The following CEP170 variants were observed in gnomAD, a reference collection of about 807,000 sequenced individuals.
CEP170 encodes the protein centrosomal protein 170.
In CEP170, 21 loss-of-function variants were observed where a neutral mutation model predicts 151.9. The observed-to-expected ratio is 0.14, with a 90% CI of 0.10 to 0.20. The LOEUF (loss-of-function observed/expected upper bound fraction) is 0.20. CEP170 is among the 10% of genes least tolerant of loss of function. The pLI is 1.00. For synonymous variants in CEP170, 356 were observed against 648.8 expected (o/e 0.55, Z 6.86); for missense variants, 964 against 1,892.9 (o/e 0.51, Z 9.11).
chr1:243,156,441 T>C lies in CEP170; in HGVS notation c.3691A>G (p.Arg1231Gly). 3 of 1,547,072 alleles carry C rather than the reference T, an allele frequency of 1.9e-6. No individual in the cohort carries two copies. Among genetic ancestry groups the C allele is most frequent in the Non-Finnish European group, 2.6e-6 (3 of 1,145,144 alleles). ...HGSASVNSRW[R>G]RFPTDYASTS... The stretch of plus-strand genomic sequence containing the variant: ...GAAGCATAATCAGTAGGAAAGCGCC[T>C]CCATCTTGAATTTACTAAATTAGTT... The change falls in exon 14 of 20, where the codon AGG becomes GGG. Residue 1231 changes from arginine to glycine, a missense_variant. Coordinates refer to ENST00000366542, the MANE Select transcript of CEP170 (RefSeq NM_014812.3).
At chr1:243,190,589 G>A (rs1051117763) in intron 8 of CEP170, among the ~76,000 whole-genome samples, 4 of 152,046 alleles carry the variant, frequency 2.6e-5, no homozygotes, top group African/African-American at 9.7e-5. Flanking sequence ...CATTACCAAA[G>A]TAGAACTTTT....
intron 10 of CEP170, among the ~76,000 whole-genome samples, chr1:243,182,629 A>C (rs2059693891): frequency 2.0e-5 from 3 of 152,164 alleles, no homozygotes; most frequent in Admixed American, 2.0e-4. Flanking sequence ...ATATATAATG[A>C]ACTTCAATAT....
chr1:243,170,793 C>G (rs2058784524), intron 11 of CEP170, among the ~76,000 whole-genome samples: 1 of 152,070 alleles, frequency 6.6e-6, no homozygotes, highest in South Asian at 2.1e-4. Flanking sequence ...GACTCCGTCT[C>G]AAAAAAACAG....
chr1:243,234,776 A>C (rs1445513231), intron 1 of CEP170, among the ~76,000 whole-genome samples: 1 of 152,190 alleles, frequency 6.6e-6, no homozygotes, highest in African/African-American at 2.4e-5. Context: ...TCAACTAAGG[A>C]TTCATTATCA....
rs553142200 is a variant in CEP170, at chr1:243,176,034, C to G, written c.1567-3188G>C. Among the ~76,000 whole-genome samples the G allele has an allele frequency of 2.8e-4, 42 of 152,286 alleles. No homozygotes were observed. In the South Asian group the frequency reaches 7.0e-3, roughly 26 times the overall value. ...GATGGTCTCCATCTCCTGACCTCAT[C>G]ATCTGCCTGCCTCAGCCTCCCAAAG... On this transcript the variant is annotated intron_variant, in intron 10 of 19. Coordinates refer to ENST00000366542, the MANE Select transcript of CEP170 (RefSeq NM_014812.3).
chr1:243,186,474 A>C, intron 8 of CEP170, 52 bp from the exon 9 acceptor site: 1 of 1,527,366 alleles, frequency 6.5e-7, no homozygotes, highest in African/African-American at 1.4e-5. Context: ...CCCATGTAGA[A>C]ATTTAGAAGC....
At chr1:243,141,771 T>A (rs762006879) in intron 15 of CEP170, among the ~76,000 whole-genome samples, 5 of 152,266 alleles carry the variant, frequency 3.3e-5, no homozygotes, top group Non-Finnish European at 5.9e-5. Flanking sequence ...CCAGACTTTA[T>A]GAAAATGTTC....
intron 1 of CEP170, among the ~76,000 whole-genome samples, chr1:243,230,166 C>T (rs1327732203): frequency 6.6e-6 from 1 of 151,392 alleles, no homozygotes; most frequent in Non-Finnish European, 1.5e-5. Flanking sequence ...GCCTGGGCAA[C>T]ATAATGAGAC....
intron 14 of CEP170, among the ~76,000 whole-genome samples, chr1:243,151,005 CCT>C: frequency 6.6e-6 from 1 of 152,162 alleles, no homozygotes; most frequent in Non-Finnish European, 1.5e-5. Flanking sequence ...ACACCACATC[CCT>C]GTCACTGAGG....
At chr1:243,213,505 T>A (rs887450117) in intron 3 of CEP170, among the ~76,000 whole-genome samples, 1 of 152,160 alleles carries the variant, frequency 6.6e-6, no homozygotes, top group African/African-American at 2.4e-5. Flanking sequence ...TATGATAATG[T>A]TGATAAAGCT....
At position 243,254,213 on chromosome 1, in the gene CEP170, A is replaced by T. The variant is rs184226976; in HGVS notation, c.-42+827T>A. On this transcript the variant is annotated intron_variant, in intron 1 of 19. Coordinates refer to ENST00000366542, the MANE Select transcript of CEP170 (RefSeq NM_014812.3). ...AAATAAATAAATAAATAAATAAATA[A>T]ATAAATAAAACTCTACGAAACACCA... is the stretch of plus-strand genomic sequence containing the variant. The T allele has an allele frequency of 3.9e-5, 6 of 152,154 alleles. No individual in the cohort carries two copies. The East Asian group carries it at 1.2e-3, about 29-fold the overall frequency. 9.4% of individuals were successfully genotyped at this position (152,154 alleles called of 1,614,324 possible). A position where few individuals can be genotyped will look rare whatever the true frequency, so the allele number is the denominator to read the frequency against.
intron 8 of CEP170, 72 bp downstream of exon 8, chr1:243,190,946 G>T: frequency 6.9e-7 from 1 of 1,453,294 alleles, no homozygotes; most frequent in East Asian, 2.5e-5. Context: ...GTATCTACTA[G>T]TAGTCTAGTA....
At chr1:243,206,015 T>C (rs1474775319) in intron 4 of CEP170, among the ~76,000 whole-genome samples, 1 of 151,112 alleles carries the variant, frequency 6.6e-6, no homozygotes, top group Non-Finnish European at 1.5e-5. Flanking sequence ...CCAAGACACA[T>C]CATAATCAAA....
chr1:243,155,665 T>G (rs1437919222), intron 14 of CEP170, among the ~76,000 whole-genome samples: 1 of 152,134 alleles, frequency 6.6e-6, no homozygotes, highest in Admixed American at 6.5e-5. Context: ...AGCATAAATT[T>G]TTTTTGTACA....
intron 4 of CEP170, among the ~76,000 whole-genome samples, chr1:243,204,944 A>G (rs1210747214): frequency 6.6e-6 from 1 of 152,088 alleles, no homozygotes; most frequent in Non-Finnish European, 1.5e-5. Flanking sequence ...AACACATGAT[A>G]CAATGTTTTA....
intron 1 of CEP170, among the ~76,000 whole-genome samples, chr1:243,249,478 G>T (rs938491076): frequency 6.6e-6 from 1 of 151,750 alleles, no homozygotes; most frequent in Admixed American, 6.6e-5. Flanking sequence ...GAATACATAA[G>T]AAATAATAAA....
chr1:243,246,070 AG>A (rs2065363388), intron 1 of CEP170, among the ~76,000 whole-genome samples: 1 of 152,162 alleles, frequency 6.6e-6, no homozygotes, highest in Non-Finnish European at 1.5e-5. Context: ...TATAAACTGG[AG>A]GGGGTAATTT....
chr1:243,218,290 G>A (rs749495320), intron 3 of CEP170, among the ~76,000 whole-genome samples: 1 of 152,210 alleles, frequency 6.6e-6, no homozygotes, highest in Non-Finnish European at 1.5e-5. Context: ...GCTGATGGGG[G>A]CAGTCCAGTA....
intron 1 of CEP170, 146 bp from the exon 2 acceptor site, chr1:243,225,467 G>T: frequency 2.3e-6 from 1 of 429,444 alleles, no homozygotes. Flanking sequence ...CCCAGGAAAT[G>T]ACATATATAC....
Sources: gnomAD v4.1 joint callset for allele counts (sites outside exome capture counted in the v4.1 genomes callset) on GRCh38, gnomAD v4.1.1 for gene constraint, MANE v1.5 for transcripts, NCBI Gene and HGNC (gene_info 2026-07-23, HGNC 2026-07-21) for gene names.